GET1: variants seen among roughly 807,000 people sequenced by gnomAD.
GET1 encodes the protein congenital heart disease 5 protein.
A neutral mutation model predicts 22.6 loss-of-function variants in GET1; 20 were observed. The ratio of observed to expected loss-of-function variants is 0.89; its 90% CI spans 0.62 to 1.29. The LOEUF is 1.29. GET1 is among the 50% of genes most tolerant of loss of function. The pLI, the probability that GET1 is intolerant of heterozygous loss-of-function variation, is 0.00. For missense variants in GET1, 209 were observed against 219.9 expected (o/e 0.95, Z 0.31); for synonymous variants, 92 against 83.8 (o/e 1.10, Z -0.53).
intron 2 of GET1, 175 bp from the exon 3 acceptor site, chr21:39,391,594 T>A: frequency 4.9e-6 from 3 of 607,472 alleles, no homozygotes; most frequent in Non-Finnish European, 8.4e-6. Flanking sequence ...AATAATGGCA[T>A]AATGAGATGG....
intron 1 of GET1, among the ~76,000 whole-genome samples, chr21:39,417,688 A>G (rs1252721393): frequency 6.6e-6 from 1 of 152,196 alleles, no homozygotes; most frequent in Non-Finnish European, 1.5e-5. Context: ...AGGAGGAGCA[A>G]AAGGACTTCT....
At chr21:39,411,826 T>C in intron 1 of GET1, 8 of 1,372,616 alleles carry the variant, frequency 5.8e-6, no homozygotes, top group Non-Finnish European at 8.2e-6. Flanking sequence ...CAAAACCAAT[T>C]TTTCTATAAA....
intron 1 of GET1, among the ~76,000 whole-genome samples, chr21:39,416,813 T>C (rs1033959100): frequency 2.0e-5 from 3 of 152,224 alleles, no homozygotes; most frequent in Non-Finnish European, 1.5e-5. Flanking sequence ...GTAAGATTTT[T>C]TTGTAAAGTT....
At chr21:39,416,243 C>G (rs1044962427) in intron 1 of GET1, among the ~76,000 whole-genome samples, 1 of 152,206 alleles carries the variant, frequency 6.6e-6, no homozygotes, top group Non-Finnish European at 1.5e-5. Context: ...GTATCCTCCA[C>G]AAGTGACTCA....
At chr21:39,409,543 A>T (rs78157297), downstream of GET1, among the ~76,000 whole-genome samples, 612 of 152,136 alleles carry the variant, frequency 4.0e-3, 15 homozygotes, top group East Asian at 0.08. The surrounding 1 kb of genome is among the most constrained non-coding windows in gnomAD (Gnocchi z 4.2). Flanking sequence ...TAAGCAGGCT[A>T]CTGGGTACAT....
chr21:39,380,889 G>A (rs1230405617), intron 1 of GET1: 1 of 986,898 alleles, frequency 1.0e-6, no homozygotes, highest in Non-Finnish European at 1.2e-6. Context: ...CCGGAGAGAT[G>A]GATCCTCGCG....
At chr21:39,393,726 A>G (rs1258224290) in intron 4 of GET1, among the ~76,000 whole-genome samples, 2 of 151,992 alleles carry the variant, frequency 1.3e-5, no homozygotes. Context: ...GGCTCACTGC[A>G]ACAACCTCTG....
chr21:39,400,415 A>G (rs989499109), downstream of GET1, among the ~76,000 whole-genome samples: 4 of 152,206 alleles, frequency 2.6e-5, no homozygotes, highest in Admixed American at 2.6e-4. Flanking sequence ...GCCAGAGACT[A>G]TTCCTTGAGC....
At chr21:39,423,088 A>G in intron 1 of GET1, 1 of 1,613,978 alleles carries the variant, frequency 6.2e-7, no homozygotes, top group Non-Finnish European at 8.5e-7. Context: ...CAGTGCCTGC[A>G]AGATATCTTT....
At chr21:39,384,442 TAGAA>T (rs2037758357) in intron 1 of GET1, among the ~76,000 whole-genome samples, 1 of 151,516 alleles carries the variant, frequency 6.6e-6, no homozygotes. Context: ...TTTTTTTTAG[TAGAA>T]AGAGGGTTTC....
intron 1 of GET1, among the ~76,000 whole-genome samples, chr21:39,384,608 C>T (rs1435874594): frequency 1.3e-5 from 2 of 149,932 alleles, no homozygotes; most frequent in East Asian, 1.9e-4. Context: ...GATACATGTG[C>T]GGGTTTGTTA....
intron 1 of GET1, chr21:39,422,659 A>C: frequency 2.3e-6 from 1 of 430,934 alleles, no homozygotes; most frequent in Non-Finnish European, 4.1e-6. Context: ...CAATCTTTTC[A>C]GCACAGGGAA....
intron 1 of GET1, among the ~76,000 whole-genome samples, chr21:39,425,488 T>C (rs2074509944): frequency 6.6e-6 from 1 of 152,228 alleles, no homozygotes; most frequent in South Asian, 2.1e-4. Context: ...GGGCTATGGC[T>C]GAATATTAAG....
intron 1 of GET1, chr21:39,422,813 C>T (rs2073989376): frequency 3.0e-6 from 2 of 670,598 alleles, no homozygotes; most frequent in Non-Finnish European, 5.0e-6. Flanking sequence ...TCAAACCACT[C>T]CCTTTCTGTG....
intron 4 of GET1, among the ~76,000 whole-genome samples, chr21:39,395,507 G>T (rs1294222861): frequency 1.3e-5 from 2 of 152,076 alleles, no homozygotes; most frequent in Non-Finnish European, 2.9e-5. Flanking sequence ...TGGGATTACA[G>T]GTGCCCACCA....
At chr21:39,428,106 C>T (rs1601883247) in intron 1 of GET1, 1 of 868,794 alleles carries the variant, frequency 1.2e-6, no homozygotes, top group African/African-American at 1.7e-5. Flanking sequence ...ACTTCAAACA[C>T]TAGTGCAGTA....
downstream of GET1, among the ~76,000 whole-genome samples, chr21:39,407,559 T>A (rs767315506): frequency 3.2e-4 from 48 of 152,182 alleles, no homozygotes; most frequent in Non-Finnish European, 6.3e-4. Context: ...GCCAAAGGAA[T>A]AATGGTTAAA....
intron 4 of GET1, among the ~76,000 whole-genome samples, chr21:39,403,525 C>T (rs1014332699): frequency 3.9e-4 from 55 of 140,692 alleles, no homozygotes; most frequent in African/African-American, 1.3e-3. Context: ...ACGGGGTTCA[C>T]CGTGTTAGCC....
At chr21:39,426,979 T>C (rs1386876085) in intron 1 of GET1, among the ~76,000 whole-genome samples, 1 of 152,186 alleles carries the variant, frequency 6.6e-6, no homozygotes, top group Non-Finnish European at 1.5e-5. Context: ...TTTCATGGGG[T>C]TCACAGACAT....
Sources: gnomAD v4.1 joint callset for allele counts (sites outside exome capture counted in the v4.1 genomes callset) on GRCh38, gnomAD v4.1.1 for gene constraint, Gnocchi (gnomAD v3.1) non-coding constraint, MANE v1.5 for transcripts, NCBI Gene and HGNC (gene_info 2026-07-23, HGNC 2026-07-21) for gene names.